The following PACS1 variants were observed in gnomAD, a reference collection of about 807,000 sequenced individuals.
The protein encoded by PACS1 is phosphofurin acidic cluster sorting protein 1.
PACS1 carries 24 observed loss-of-function variants against 115.0 expected under a neutral mutation model. That is an observed-to-expected ratio of 0.21 (90% CI 0.15 to 0.29). PACS1 has a LOEUF of 0.29. PACS1 is among the 10% of genes least tolerant of loss of function. The pLI, the probability that PACS1 is intolerant of heterozygous loss-of-function variation, is 1.00. For synonymous variants in PACS1, 453 were observed against 504.5 expected, an observed-to-expected ratio of 0.90 and a Z score of 1.37; for missense variants, 838 against 1,251.2, an observed-to-expected ratio of 0.67 and a Z score of 4.98.
At chr11:66,155,562 G>A (rs945225755) in intron 1 of PACS1, among the ~76,000 whole-genome samples, 14 of 152,050 alleles carry the variant, frequency 9.2e-5, no homozygotes, top group South Asian at 2.1e-4. Context: ...TACCCTCTAC[G>A]TATGGCTAAA....
At chr11:66,232,603 C>A (rs895326449) in intron 14 of PACS1, among the ~76,000 whole-genome samples, 1 of 152,234 alleles carries the variant, frequency 6.6e-6, no homozygotes, top group African/African-American at 2.4e-5. Context: ...TAGAGAAGCA[C>A]CCGGCTGTAA....
At chr11:66,079,403 T>A (rs1857448887) in intron 1 of PACS1, among the ~76,000 whole-genome samples, 1 of 151,624 alleles carries the variant, frequency 6.6e-6, no homozygotes, top group African/African-American at 2.4e-5. Flanking sequence ...CAGTCATCAT[T>A]TACTGATCCC....
intron 1 of PACS1, among the ~76,000 whole-genome samples, chr11:66,180,967 C>T (rs1233954043): frequency 6.6e-6 from 1 of 152,144 alleles, no homozygotes; most frequent in South Asian, 2.1e-4. Flanking sequence ...CCCTTTCAAC[C>T]ATTATCCCTT....
intron 1 of PACS1, among the ~76,000 whole-genome samples, chr11:66,096,382 C>T (rs1857782259): frequency 1.3e-5 from 2 of 151,564 alleles, no homozygotes; most frequent in African/African-American, 4.9e-5. Flanking sequence ...GCTAGTAGTT[C>T]ATTCTTTTTT....
intron 1 of PACS1, among the ~76,000 whole-genome samples, chr11:66,158,960 A>G (rs1859424793): frequency 1.3e-5 from 2 of 152,238 alleles, no homozygotes; most frequent in Admixed American, 1.3e-4. Flanking sequence ...CAAATTTTAA[A>G]AGCATCAGAG....
At chr11:66,188,421 C>G (rs1408775532) in intron 1 of PACS1, among the ~76,000 whole-genome samples, 1 of 152,066 alleles carries the variant, frequency 6.6e-6, no homozygotes, top group Non-Finnish European at 1.5e-5. Flanking sequence ...AAAATCTAAT[C>G]AACTACCAAA....
chr11:66,085,390 C>T (rs527901515), intron 1 of PACS1, among the ~76,000 whole-genome samples: 1 of 152,190 alleles, frequency 6.6e-6, no homozygotes, highest in South Asian at 2.1e-4. Flanking sequence ...CTGGATCTTA[C>T]TGTTTTATAA....
At position 66,070,682 on chromosome 11, in the gene PACS1, T is replaced by G; in HGVS notation, c.196T>G (p.Ser66Ala). ...SSSSTSAAAA[S>A]SSSSSTSTSM... Reference sequence around the variant, plus strand: ...CTCGTCCACCTCGGCGGCGGCTGCCTCCTCCTCGTCCTCGTCTACCTCCAC... The same window carrying G: ...CTCGTCCACCTCGGCGGCGGCTGCCGCCTCCTCGTCCTCGTCTACCTCCAC... Residue 66 changes from serine (S) to alanine (A), a missense_variant, in exon 1 of 24, where the codon TCC (serine) becomes GCC (alanine). Physicochemically the swap from Ser to Ala is moderately conservative, Grantham distance 99. Around this residue, in one of 6 missense-constraint regions of PACS1, gnomAD observed 129 missense variants for 109.4 expected, o/e 1.18. Coordinates refer to ENST00000320580, the MANE Select transcript of PACS1 (RefSeq NM_018026.4). This position sits in a 1 kb window ranked among gnomAD's most constrained non-coding sequence, Gnocchi z 5.9. The G allele has an allele frequency of 6.3e-7, 1 of 1,576,094 alleles. No homozygotes were observed.
At chr11:66,152,635 C>T (rs1056423760) in intron 1 of PACS1, among the ~76,000 whole-genome samples, 4 of 152,182 alleles carry the variant, frequency 2.6e-5, no homozygotes, top group African/African-American at 7.2e-5. Context: ...TTTTGCAGCT[C>T]ATGAGTGTGA....
intron 7 of PACS1, chr11:66,217,009 AAGG>A: frequency 1.9e-6 from 1 of 522,814 alleles, no homozygotes; most frequent in South Asian, 2.2e-5. Context: ...AGATAGAAAA[AAGG>A]AGGAGAACCC....
intron 1 of PACS1, among the ~76,000 whole-genome samples, chr11:66,183,228 A>G (rs1411248101): frequency 6.6e-6 from 1 of 152,184 alleles, no homozygotes; most frequent in Non-Finnish European, 1.5e-5. Flanking sequence ...GTATCTACAT[A>G]TATTTGGGTA....
chr11:66,206,994 C>T (rs919791130), intron 2 of PACS1, among the ~76,000 whole-genome samples: 1 of 152,186 alleles, frequency 6.6e-6, no homozygotes, highest in African/African-American at 2.4e-5. Flanking sequence ...CCCTCGAACC[C>T]CTTACTAAGC....
At chr11:66,211,059 ACTGTGTGTC>A (rs904830392) in intron 3 of PACS1, 66 bp from the exon 4 acceptor site, 10 of 1,534,402 alleles carry the variant, frequency 6.5e-6, no homozygotes, top group African/African-American at 4.1e-5. Context: ...GCACAGAAAG[ACTGTGTGTC>A]CTCCAGAACC....
At chr11:66,229,944 C>T (rs1590836208) in intron 11 of PACS1, among the ~76,000 whole-genome samples, 2 of 144,344 alleles carry the variant, frequency 1.4e-5, no homozygotes, top group South Asian at 2.2e-4. Context: ...GCAATAAGAG[C>T]GAAAGTCCAT....
intron 1 of PACS1, among the ~76,000 whole-genome samples, chr11:66,086,131 TTTC>T (rs1424626658): frequency 2.7e-5 from 4 of 150,520 alleles, no homozygotes; most frequent in South Asian, 4.2e-4. Flanking sequence ...ATGCTTATGA[TTTC>T]TTTTTTTTTT....
At chr11:66,083,577 A>G (rs1857521952) in intron 1 of PACS1, among the ~76,000 whole-genome samples, 1 of 152,206 alleles carries the variant, frequency 6.6e-6, no homozygotes, top group South Asian at 2.1e-4. Flanking sequence ...GACTTGGGCC[A>G]AGTGATATGT....
chr11:66,070,530 G>C lies in PACS1; in HGVS notation c.44G>C (p.Gly15Ala), dbSNP rs1033935480. 10 of 1,328,458 alleles carry C rather than the reference G, an allele frequency of 7.5e-6. No individual in the cohort carries two copies. In the African/African-American group the frequency reaches 1.2e-4, roughly 16 times the overall value. 82.3% of individuals were successfully genotyped at this position (1,328,458 alleles called of 1,614,324 possible). ...GCGGGCGGTGGTCCCGGAGGCGCCG[G>C]GGGCGGCAGCGGCCAGCGGGGATCC... is the stretch of plus-strand genomic sequence containing the variant. ...GGAGGGPGGAGGGSGQRGSGV... is the reference protein window; with the variant it reads ...GGAGGGPGGAAGGSGQRGSGV... The change falls in exon 1 of 24, where the codon GGG becomes GCG. Residue 15 changes from glycine (G) to alanine (A), a missense_variant. By Grantham distance (60) the Gly-to-Ala change is moderately conservative. Around this residue, in one of 6 missense-constraint regions of PACS1, gnomAD observed 15 missense variants for 39.0 expected, o/e 0.38. Transcript: ENST00000320580. This position sits in a 1 kb window ranked among gnomAD's most constrained non-coding sequence, Gnocchi z 5.9.
At chr11:66,184,267 C>A (rs542611156) in intron 1 of PACS1, among the ~76,000 whole-genome samples, 5 of 134,826 alleles carry the variant, frequency 3.7e-5, no homozygotes, top group Admixed American at 1.7e-4. Flanking sequence ...GAGCCGAGAT[C>A]GCACCACTGC....
chr11:66,187,687 T>C (rs1226684078), intron 1 of PACS1, among the ~76,000 whole-genome samples: 2 of 152,172 alleles, frequency 1.3e-5, no homozygotes. Context: ...GCACACCACA[T>C]TTTCTTTATC....
Sources: allele counts gnomAD v4.1 joint callset (sites outside exome capture counted in the v4.1 genomes callset), GRCh38; gene constraint gnomAD v4.1.1; regional missense constraint gnomAD v4.1.1; non-coding constraint Gnocchi (gnomAD v3.1); transcripts MANE v1.5; gene names NCBI Gene and HGNC (gene_info 2026-07-23, HGNC 2026-07-21).